Variants in GSTM5 observed in about 807,000 individuals in gnomAD.
GSTM5 encodes GST class-mu 5.
Under a neutral mutation model 29.0 loss-of-function variants are expected in GSTM5, and 24 were observed. The ratio of observed to expected loss-of-function variants is 0.83; its 90% CI spans 0.60 to 1.16. The LOEUF (loss-of-function observed/expected upper bound fraction) is 1.16, where lower values mean the gene tolerates loss of function less well. GSTM5 is among the 50% of genes most tolerant of loss of function. GSTM5 has a pLI of 0.00. For missense variants in GSTM5, 290 were observed against 263.0 expected (o/e 1.10, Z -0.71); for synonymous variants, 91 against 93.6 (o/e 0.97, Z 0.16).
upstream of GSTM5, among the ~76,000 whole-genome samples, chr1:109,711,850 C>G (rs529053897): frequency 2.6e-4 from 37 of 144,640 alleles, 1 homozygote; most frequent in African/African-American, 8.5e-4. Context: ...ACTTTTTAGT[C>G]TGACCCCTGC....
In GSTM5 at chr1:109,717,600, G is replaced by A; in HGVS notation, c.*174G>A. On this transcript the variant is annotated 3_prime_UTR_variant, in exon 8 of 8. Transcript: ENST00000256593. ...CTAACATCATCCCTCCCCGCATCGA[G>A]GCTCTTTAAAGCTTCAGCTCCCCAC... 1 of 562,190 alleles carries A rather than the reference G, an allele frequency of 1.8e-6. No homozygotes were observed. The highest frequency in any genetic ancestry group is 3.1e-5 in the East Asian group (1 of 32,460). The allele number at this position is 562,190 out of a possible 1,614,324, so 34.8% of individuals were successfully genotyped here.
chr1:109,715,690 C>A (rs569943724), intron 7 of GSTM5: 4 of 492,902 alleles, frequency 8.1e-6, no homozygotes, highest in Non-Finnish European at 1.4e-5. Context: ...GTAGGACTGA[C>A]ACACAGTGGC....
rs1240274665 is a variant in GSTM5 at position 109,714,964 on chromosome 1, A to G, written c.378A>G (p.Lys126=). The G allele has an allele frequency of 9.3e-6, 15 of 1,614,126 alleles. No individual in the cohort carries two copies. The highest frequency in any genetic ancestry group is 2.2e-5 in the South Asian group (2 of 91,092). ...YDPDFEKLKP[K]YLEELPEKLK... is the part of the protein sequence containing the mutation. Reference sequence around the variant, plus strand: ...TGCCTCAGGAGAAACTGAAGCCAAAATACTTGGAGGAACTCCCTGAAAAGC... The same window carrying G: ...TGCCTCAGGAGAAACTGAAGCCAAAGTACTTGGAGGAACTCCCTGAAAAGC... Residue 126 remains lysine (K), a synonymous_variant, in exon 6 of 8, where the codon AAA becomes AAG. Transcript: ENST00000256593.
At chr1:109,717,159 G>A in intron 7 of GSTM5, 178 bp from the exon 8 acceptor site, 1 of 571,962 alleles carries the variant, frequency 1.7e-6, no homozygotes, top group South Asian at 2.1e-5. Flanking sequence ...ATTACTTAAA[G>A]GAAGTTGGAA....
chr1:109,712,582 C>G (rs1289746906), intron 1 of GSTM5, 36 bp from the exon 2 acceptor site: 4 of 1,608,840 alleles, frequency 2.5e-6, no homozygotes, highest in African/African-American at 2.7e-5. Flanking sequence ...CAGGGACCCT[C>G]CATCTCTGAC....
chr1:109,714,876 C>T (rs1648688486), intron 5 of GSTM5, 71 bp from the exon 6 acceptor site: 1 of 1,485,040 alleles, frequency 6.7e-7, no homozygotes, highest in African/African-American at 1.4e-5. Flanking sequence ...GGGCCATCTA[C>T]AGCCCTGGGG....
intron 2 of GSTM5, 176 bp from the exon 3 acceptor site, chr1:109,712,943 G>T: frequency 1.1e-5 from 10 of 905,292 alleles, no homozygotes; most frequent in Admixed American, 2.1e-5. Context: ...CTTAGCCGTT[G>T]TGGGGTCCAG....
At position 109,713,591 on chromosome 1, in the gene GSTM5, G is replaced by T. The variant is rs774608604; in HGVS notation, c.259+26G>T. 8.7e-6 allele frequency: 14 copies of T among 1,613,980 alleles called. No individual in the cohort carries two copies. The African/African-American group carries it at 1.2e-4, about 14-fold the overall frequency. ...GTGAGTGTGGGTGGCTGCAATGTGC[G>T]GGGGGAAGGTGACCTCCTCCTTGGC... On this transcript the variant is annotated intron_variant, in intron 4 of 7. Transcript: ENST00000256593.
chr1:109,715,496 G>C, intron 7 of GSTM5: 3 of 1,479,862 alleles, frequency 2.0e-6, no homozygotes, highest in Non-Finnish European at 2.7e-6. Flanking sequence ...CTTTGCTCAG[G>C]GTCCCAGAGC....
chr1:109,717,438 G>A lies in GSTM5; in HGVS notation c.*12G>A. 6.2e-7 allele frequency: 1 copy of A among 1,602,006 alleles called. No individual in the cohort carries two copies. Among genetic ancestry groups the A allele is most frequent in the Non-Finnish European group, 8.6e-7 (1 of 1,169,098 alleles). ...GGAACAGCAAATAGGGCCCAGTGAT[G>A]CCAGAAGATGGGAGGGAGGAGCCAA... On this transcript the variant is annotated 3_prime_UTR_variant, in exon 8 of 8. Coordinates refer to ENST00000256593, the MANE Select transcript of GSTM5 (RefSeq NM_000851.4).
In GSTM5 at chr1:109,712,554, C is replaced by T. The variant is rs1648591455; in HGVS notation, c.37-64C>T. The T allele has an allele frequency of 1.9e-6, 3 of 1,573,120 alleles. No individual in the cohort carries two copies. The Admixed American group carries it at 5.0e-5, about 26-fold the overall frequency. On this transcript the variant is annotated intron_variant, in intron 1 of 7. Transcript: ENST00000256593. The stretch of plus-strand genomic sequence containing the variant: ...GTATAGACTAGGGGCTGGCCTGGTG[C>T]AGAGAAAGTCACCAAGTCAGGGACC...
chr1:109,717,214 T>C, intron 7 of GSTM5, 123 bp from the exon 8 acceptor site: 1 of 703,712 alleles, frequency 1.4e-6, no homozygotes, highest in East Asian at 2.5e-5. Flanking sequence ...CGTGTGATGC[T>C]CCAGCACTTG....
At chr1:109,714,842 T>A (rs914525472) in intron 5 of GSTM5, 105 bp from the exon 6 acceptor site, 9 of 1,038,468 alleles carry the variant, frequency 8.7e-6, no homozygotes, top group African/African-American at 1.6e-5. Flanking sequence ...GTGGGGAAGA[T>A]GGCTGCTTGC....
chr1:109,712,207 G>A, upstream of GSTM5: 4 of 1,248,302 alleles, frequency 3.2e-6, no homozygotes, highest in Non-Finnish European at 3.5e-6. Flanking sequence ...GTGGCGGGCC[G>A]AGGGGCGGGG....
In GSTM5 at chr1:109,717,414, G is replaced by A; in HGVS notation, c.645G>A (p.Trp215Ter). Reference sequence around the variant, plus strand: ...TTTTGTTTGGAAAGTCAGCTACATGGAACAGCAAATAGGGCCCAGTGATGC... The same window carrying A: ...TTTTGTTTGGAAAGTCAGCTACATGAAACAGCAAATAGGGCCCAGTGATGC... ...RGLLFGKSAT[W>*]NSK is the part of the protein sequence containing the mutation. The change falls in exon 8 of 8, where the codon TGG (tryptophan) becomes TGA (stop). Residue 215 changes from tryptophan (W) to a stop codon, truncating the protein, a stop_gained. Coordinates refer to ENST00000256593, the MANE Select transcript of GSTM5 (RefSeq NM_000851.4). LOFTEE classifies it high-confidence loss of function. The A allele has an allele frequency of 6.2e-7, 1 of 1,613,390 alleles. No homozygotes were observed. The highest frequency in any genetic ancestry group is 8.5e-7 in the Non-Finnish European group (1 of 1,179,372).
In GSTM5 at chr1:109,718,120, T is replaced by C. The variant is rs11807; in HGVS notation, c.*694T>C. The C allele has an allele frequency of 0.17, 26,336 of 152,366 alleles. 2,421 individuals are homozygous for C. The highest frequency in any genetic ancestry group is 0.2 in the Non-Finnish European group (13,593 of 68,146). The allele number at this position is 152,366 out of a possible 1,614,324, so 9.4% of individuals were successfully genotyped here. A position where few individuals can be genotyped will look rare whatever the true frequency, so the allele number is the denominator to read the frequency against. ...TCCTGTAGGCCGTCTAGAACTGGCATGGTTCAAAGAGGGGCTAGGCTGATG... is the reference window on the plus strand; with the variant it reads ...TCCTGTAGGCCGTCTAGAACTGGCACGGTTCAAAGAGGGGCTAGGCTGATG... On this transcript the variant is annotated 3_prime_UTR_variant, in exon 8 of 8. Transcript: ENST00000256593.
intron 5 of GSTM5, 115 bp from the exon 6 acceptor site, chr1:109,714,832 G>A: frequency 1.1e-6 from 1 of 947,980 alleles, no homozygotes; most frequent in Non-Finnish European, 1.7e-6. Flanking sequence ...GGTTTTAGTT[G>A]TGGGGAAGAT....
At position 109,713,736 on chromosome 1, in the gene GSTM5, T is replaced by A. The variant is rs1193946494; in HGVS notation, c.335T>A (p.Val112Asp). 1 of 1,612,928 alleles carries A rather than the reference T, an allele frequency of 6.2e-7. No individual in the cohort carries two copies. Among genetic ancestry groups the A allele is most frequent in the Non-Finnish European group, 8.5e-7 (1 of 1,179,774 alleles). ...NQVMDNHMELVRLCYDPDFEK... is the reference protein window; with the variant it reads ...NQVMDNHMELDRLCYDPDFEK... ...GTTATGGATAACCACATGGAGCTGG[T>A]CAGACTGTGCTATGACCCAGATTTT... is the stretch of plus-strand genomic sequence containing the variant. The change falls in exon 5 of 8, where the codon GTC (valine) becomes GAC (aspartate). Residue 112 changes from valine to aspartate, a missense_variant. Transcript: ENST00000256593.
chr1:109,717,683 T>A lies in GSTM5; in HGVS notation c.*257T>A, dbSNP rs984191645. On this transcript the variant is annotated 3_prime_UTR_variant, in exon 8 of 8. Transcript: ENST00000256593. ...TCCTTTCCCTGCACTAACGCCAACCTGACTGCTTTTCCTGTCAGTGCTTTT... is the reference window on the plus strand; with the variant it reads ...TCCTTTCCCTGCACTAACGCCAACCAGACTGCTTTTCCTGTCAGTGCTTTT... 38 of 428,792 alleles carry A rather than the reference T, an allele frequency of 8.9e-5. No homozygotes were observed. Among genetic ancestry groups the A allele is most frequent in the Admixed American group, 1.4e-4 (4 of 27,634 alleles). The allele number at this position is 428,792 out of a possible 1,614,324, so 26.6% of individuals were successfully genotyped here. A position where few individuals can be genotyped will look rare whatever the true frequency, so the allele number is the denominator to read the frequency against.
Sources: gnomAD v4.1 joint callset for allele counts (sites outside exome capture counted in the v4.1 genomes callset) on GRCh38, gnomAD v4.1.1 for gene constraint, MANE v1.5 for transcripts, NCBI Gene and HGNC (gene_info 2026-07-23, HGNC 2026-07-21) for gene names.